GPC3: variants seen among roughly 807,000 people sequenced by gnomAD.
GPC3 encodes the protein glypican 3, also known as glypican-3.
A neutral mutation model predicts 34.4 loss-of-function variants in GPC3; 3 were observed. That is an observed-to-expected ratio of 0.09 (90% CI 0.04 to 0.23). The LOEUF is 0.23. GPC3 is among the 10% of genes least tolerant of loss of function. GPC3 has a pLI of 1.00. For missense variants in GPC3, 351 were observed against 445.6 expected, an observed-to-expected ratio of 0.79 and a Z score of 1.91; for synonymous variants, 177 against 174.0, an observed-to-expected ratio of 1.02 and a Z score of -0.13.
chrX:133,668,026 C>T (rs1474436531), intron 5 of GPC3, among the ~76,000 whole-genome samples: 2 of 108,911 alleles, frequency 1.8e-5, no homozygotes, highest in East Asian at 2.9e-4. Flanking sequence ...CTCAGCCTCC[C>T]GAGTAGCTGG....
rs778853331 is a variant in GPC3 at position 133,629,614 on chromosome X, T to C, written c.1413+32116A>G. Among the ~76,000 whole-genome samples the C allele has an allele frequency of 3.7e-5, 4 of 107,927 alleles. No individual in the cohort carries two copies. The East Asian group carries it at 1.2e-3, about 33-fold the overall frequency. The allele number at this position is 107,927 out of a possible 115,157, so 93.7% of individuals were successfully genotyped here. On this transcript the variant is annotated intron_variant, in intron 6 of 7. Transcript: ENST00000370818. ...TTTCACTACGTTGGCCAGGGTGGTCTAGAACTCCTGACCTCGTGATCTGCC... is the reference window on the plus strand; with the variant it reads ...TTTCACTACGTTGGCCAGGGTGGTCCAGAACTCCTGACCTCGTGATCTGCC...
intron 5 of GPC3, among the ~76,000 whole-genome samples, chrX:133,685,419 G>A (rs916338100): frequency 2.7e-5 from 3 of 111,525 alleles, no homozygotes; most frequent in African/African-American, 6.5e-5. Context: ...TTGAGACAAC[G>A]GACAAAACTC....
At chrX:133,818,178 C>T (rs1412573422) in intron 2 of GPC3, among the ~76,000 whole-genome samples, 1 of 111,165 alleles carries the variant, frequency 9.0e-6, no homozygotes. Flanking sequence ...AATTGCAGCA[C>T]AATGTAGTGG....
intron 7 of GPC3, among the ~76,000 whole-genome samples, chrX:133,542,900 C>A (rs1310054334): frequency 2.7e-5 from 3 of 111,995 alleles, no homozygotes; most frequent in African/African-American, 9.7e-5. Context: ...CCCTTCAGCA[C>A]AACCCTCTTT....
At chrX:133,925,063 A>G (rs752162499) in intron 2 of GPC3, among the ~76,000 whole-genome samples, 6 of 108,513 alleles carry the variant, frequency 5.5e-5, no homozygotes, top group Non-Finnish European at 1.1e-4. Context: ...CCCTGTCTCA[A>G]AGGAAAAGAA....
intron 6 of GPC3, among the ~76,000 whole-genome samples, chrX:133,625,716 T>A (rs2070291791): frequency 9.0e-6 from 1 of 111,653 alleles, no homozygotes; most frequent in Non-Finnish European, 1.9e-5. Flanking sequence ...GAAGAATCAA[T>A]ATTGTGAAAA....
At chrX:133,753,399 C>G (rs1043288738) in intron 3 of GPC3, 83 bp downstream of exon 3, 47 of 754,178 alleles carry the variant, frequency 6.2e-5, no homozygotes, top group Non-Finnish European at 9.1e-5. Context: ...ATTTTGTTCT[C>G]ATTTCTCTCC....
At chrX:133,552,956 C>T (rs867179776) in intron 7 of GPC3, among the ~76,000 whole-genome samples, 6 of 111,511 alleles carry the variant, frequency 5.4e-5, no homozygotes, top group African/African-American at 9.8e-5. Flanking sequence ...CTCAAACTCA[C>T]GGCTATAAAG....
chrX:133,612,783 C>A (rs914362448), intron 6 of GPC3, among the ~76,000 whole-genome samples: 1 of 112,382 alleles, frequency 8.9e-6, no homozygotes, highest in African/African-American at 3.2e-5. Context: ...CCTGGGCACA[C>A]AATAGACTGA....
At chrX:133,927,956 C>A (rs1232565385) in intron 2 of GPC3, among the ~76,000 whole-genome samples, 1 of 108,962 alleles carries the variant, frequency 9.2e-6, no homozygotes, top group Non-Finnish European at 1.9e-5. Context: ...TTCCTTGTGG[C>A]AAGAACAGCT....
intron 3 of GPC3, among the ~76,000 whole-genome samples, chrX:133,712,163 G>A (rs2071275299): frequency 1.8e-5 from 2 of 112,062 alleles, no homozygotes; most frequent in South Asian, 7.4e-4. Context: ...CAGCAGCAAT[G>A]TCTATGTCTA....
chrX:133,946,574 T>TGG (rs2076369978), intron 2 of GPC3, among the ~76,000 whole-genome samples: 1 of 110,542 alleles, frequency 9.0e-6, no homozygotes, highest in Non-Finnish European at 1.9e-5. Flanking sequence ...CCACCCAGAC[T>TGG]CATTCACACC....
intron 1 of GPC3, among the ~76,000 whole-genome samples, chrX:133,973,007 G>T (rs915750613): frequency 9.0e-6 from 1 of 110,909 alleles, no homozygotes; most frequent in African/African-American, 3.3e-5. Context: ...TCATGGGAAT[G>T]GATGTGGGAA....
chrX:133,578,159 T>A (rs1315131964), intron 7 of GPC3, among the ~76,000 whole-genome samples: 2 of 112,274 alleles, frequency 1.8e-5, no homozygotes, highest in African/African-American at 3.2e-5. Flanking sequence ...ATGCTTTCTC[T>A]CTGAATGGCA....
chrX:133,544,829 C>A (rs1444939139), intron 7 of GPC3, among the ~76,000 whole-genome samples: 1 of 112,077 alleles, frequency 8.9e-6, no homozygotes, highest in African/African-American at 3.2e-5. Flanking sequence ...CTGTGCCCGG[C>A]CTACCATAGT....
At chrX:133,700,080 T>C (rs1163783644) in intron 3 of GPC3, 52 bp from the exon 4 acceptor site, 20 of 981,142 alleles carry the variant, frequency 2.0e-5, no homozygotes, top group Non-Finnish European at 2.3e-5. Flanking sequence ...GATATGATAG[T>C]AGAAACAAAT....
chrX:133,547,882 A>AACTCCTG (rs1223360925), intron 7 of GPC3, among the ~76,000 whole-genome samples: 1 of 110,453 alleles, frequency 9.1e-6, no homozygotes, highest in Non-Finnish European at 1.9e-5. Flanking sequence ...GCTGGTCTTG[A>AACTCCTG]ACTCCTGAGC....
At chrX:133,891,939 C>T (rs1375114821) in intron 2 of GPC3, among the ~76,000 whole-genome samples, 1 of 110,694 alleles carries the variant, frequency 9.0e-6, no homozygotes, top group Non-Finnish European at 1.9e-5. Flanking sequence ...TGTGTGAGAA[C>T]TTTGAAGATT....
At chrX:133,847,953 T>C (rs748708812) in intron 2 of GPC3, among the ~76,000 whole-genome samples, 1 of 112,350 alleles carries the variant, frequency 8.9e-6, no homozygotes, top group Admixed American at 9.4e-5. Flanking sequence ...CTGATTGTTG[T>C]TTCTGAAAAC....
Sources: gnomAD v4.1 joint callset for allele counts (sites outside exome capture counted in the v4.1 genomes callset) on GRCh38, gnomAD v4.1.1 for gene constraint, MANE v1.5 for transcripts, NCBI Gene and HGNC (gene_info 2026-07-23, HGNC 2026-07-21) for gene names.